Variants in ITPR1 observed in about 807,000 individuals in gnomAD.
The protein encoded by ITPR1 is inositol 1,4,5-trisphosphate receptor type 1.
ITPR1 carries 96 observed loss-of-function variants against 318.4 expected under a neutral mutation model. The observed-to-expected ratio is 0.30, with a 90% CI of 0.26 to 0.36. ITPR1 has a LOEUF of 0.36. Ranked by LOEUF, ITPR1 falls within the 10% of genes least tolerant of loss-of-function variation. The pLI is 1.00. For missense variants in ITPR1, 2,440 were observed against 3,460.2 expected (o/e 0.71, Z 7.40); for synonymous variants, 1,312 against 1,289.9 (o/e 1.02, Z -0.37).
rs905703653 is a variant in ITPR1 at position 4,733,169 on chromosome 3, T to C, written c.5302T>C (p.Phe1768Leu). Residue 1768 changes from phenylalanine (F) to leucine (L), a missense_variant, in exon 43 of 62, where the codon TTT (phenylalanine) becomes CTT (leucine). Phe to Leu is a conservative substitution (Grantham distance 22). Coordinates refer to ENST00000649015, the MANE Select transcript of ITPR1 (RefSeq NM_001378452.1). ...GGGACGAAGAGAGAGCCTTACCAGCTTTGGCAATGGCCCACTGTCAGCAGG... is the reference window on the plus strand; with the variant it reads ...GGGACGAAGAGAGAGCCTTACCAGCCTTGGCAATGGCCCACTGTCAGCAGG... ...PSGRRESLTS[F>L]GNGPLSAGGP... 6.2e-7 allele frequency: 1 copy of C among 1,614,048 alleles called. No homozygotes were observed. Among genetic ancestry groups the C allele is most frequent in the Non-Finnish European group, 8.5e-7 (1 of 1,179,894 alleles).
chr3:4,536,412 A>T (rs2083879570), intron 4 of ITPR1, among the ~76,000 whole-genome samples: 1 of 152,198 alleles, frequency 6.6e-6, no homozygotes, highest in Non-Finnish European at 1.5e-5. Context: ...GTGGCATCTC[A>T]ACTATTGCAA....
At chr3:4,777,835 A>G (rs577518447) in intron 48 of ITPR1, among the ~76,000 whole-genome samples, 16 of 152,262 alleles carry the variant, frequency 1.1e-4, no homozygotes, top group South Asian at 6.2e-4. Context: ...TACTTAATCA[A>G]GGAAATACCT....
At chr3:4,639,235 C>A in intron 5 of ITPR1, 149 bp from the exon 6 acceptor site, 1 of 614,940 alleles carries the variant, frequency 1.6e-6, no homozygotes. Context: ...AACCCCTTGG[C>A]TCATTTCTTG....
chr3:4,526,849 A>G (rs1188333269), intron 4 of ITPR1, among the ~76,000 whole-genome samples: 8 of 152,218 alleles, frequency 5.3e-5, no homozygotes, highest in Admixed American at 5.2e-4. Context: ...AGACATTCTC[A>G]AAGAAGTCTA....
rs542464632 is a variant in ITPR1, at chr3:4,626,629, A to G, written c.164-1134A>G. ...GAATGTTGGTTATACCACATAAGAC[A>G]ATGTATAAAGTTGTATAAACCGAGG... On this transcript the variant is annotated intron_variant, in intron 4 of 61. Coordinates refer to ENST00000649015, the MANE Select transcript of ITPR1 (RefSeq NM_001378452.1). Among the ~76,000 whole-genome samples, 48 of 152,296 alleles carry G rather than the reference A, an allele frequency of 3.2e-4. No homozygotes were observed. The South Asian group carries it at 9.1e-3, about 29-fold the overall frequency.
At chr3:4,539,169 T>G (rs1326274261) in intron 4 of ITPR1, among the ~76,000 whole-genome samples, 1 of 152,256 alleles carries the variant, frequency 6.6e-6, no homozygotes, top group Non-Finnish European at 1.5e-5. Context: ...CTTATGTCTG[T>G]TATTTTTTAT....
At position 4,811,412 on chromosome 3, in the gene ITPR1, G is replaced by A; in HGVS notation, c.7420G>A (p.Asp2474Asn). 6.2e-7 allele frequency: 1 copy of A among 1,613,992 alleles called. No homozygotes were observed. The highest frequency in any genetic ancestry group is 8.5e-7 in the Non-Finnish European group (1 of 1,179,876). ...AGTGGGCTATCTTTTCTTCAAGGAT[G>A]ACTTTATCTTGGAAGTAGATAGGCT... ...SIVGYLFFKD[D>N]FILEVDRLPN... The change falls in exon 56 of 62, where the codon GAC becomes AAC. Residue 2474 changes from aspartate (D) to asparagine (N), a missense_variant. By Grantham distance (23) the Asp-to-Asn change is conservative. Around this residue, in one of 23 missense-constraint regions of ITPR1, gnomAD observed 88 missense variants for 90.5 expected, o/e 0.97. Coordinates refer to ENST00000649015, the MANE Select transcript of ITPR1 (RefSeq NM_001378452.1).
At chr3:4,844,943 TTC>T (rs762478711) in intron 61 of ITPR1, among the ~76,000 whole-genome samples, 6 of 152,220 alleles carry the variant, frequency 3.9e-5, no homozygotes, top group Non-Finnish European at 7.3e-5. Context: ...TTGTTTTATG[TTC>T]TCTCCAGATA....
At chr3:4,669,818 C>T in intron 19 of ITPR1, 45 bp downstream of exon 19, 1 of 1,557,328 alleles carries the variant, frequency 6.4e-7, no homozygotes, top group Non-Finnish European at 8.7e-7. Context: ...GGGGTTCATT[C>T]AGTGTTGGTG....
At chr3:4,703,074 C>A in intron 36 of ITPR1, 124 bp downstream of exon 36, 3 of 1,091,088 alleles carry the variant, frequency 2.7e-6, no homozygotes, top group Non-Finnish European at 3.8e-6. Flanking sequence ...AGTTTCAGAG[C>A]CAGACCCGGA....
chr3:4,673,550 G>A (rs1366032831), intron 21 of ITPR1, among the ~76,000 whole-genome samples, 163 bp downstream of exon 21: 2 of 152,128 alleles, frequency 1.3e-5, no homozygotes, highest in African/African-American at 4.8e-5. Context: ...TCAAGAATGT[G>A]AAAGATGGCA....
At chr3:4,636,462 T>G (rs1405447062) in intron 5 of ITPR1, among the ~76,000 whole-genome samples, 1 of 152,198 alleles carries the variant, frequency 6.6e-6, no homozygotes, top group African/African-American at 2.4e-5. Flanking sequence ...AGATGGAGTC[T>G]CTGTCACCCA....
chr3:4,608,921 G>C (rs947960393), intron 4 of ITPR1, among the ~76,000 whole-genome samples: 1 of 144,756 alleles, frequency 6.9e-6, no homozygotes, highest in Admixed American at 7.0e-5. Context: ...AGAATTGCTT[G>C]AACCCTGGAG....
intron 4 of ITPR1, among the ~76,000 whole-genome samples, chr3:4,624,953 T>C (rs1228024698): frequency 6.6e-6 from 1 of 152,202 alleles, no homozygotes; most frequent in African/African-American, 2.4e-5. Context: ...ATATAGCAAA[T>C]GACCATGACC....
chr3:4,832,298 C>G (rs1391569074), intron 60 of ITPR1, among the ~76,000 whole-genome samples: 1 of 152,184 alleles, frequency 6.6e-6, no homozygotes, highest in Non-Finnish European at 1.5e-5. Context: ...CATTGAAGGC[C>G]TCCTGTGAAA....
intron 60 of ITPR1, among the ~76,000 whole-genome samples, chr3:4,834,687 C>A (rs2050766345): frequency 6.6e-6 from 1 of 152,148 alleles, no homozygotes; most frequent in African/African-American, 2.4e-5. Flanking sequence ...AGGATTGACA[C>A]AGGAGAGATG....
intron 2 of ITPR1, among the ~76,000 whole-genome samples, chr3:4,495,803 C>G (rs922274716): frequency 6.6e-6 from 1 of 152,126 alleles, no homozygotes; most frequent in East Asian, 1.9e-4. Flanking sequence ...GGCGGTGAGG[C>G]TGTACTGCAT....
At chr3:4,670,484 G>A (rs898397906) in intron 19 of ITPR1, among the ~76,000 whole-genome samples, 5 of 152,140 alleles carry the variant, frequency 3.3e-5, no homozygotes, top group South Asian at 2.1e-4. Context: ...TCTCCATTTC[G>A]GTTGTGACAA....
chr3:4,563,927 G>A (rs183878139), intron 4 of ITPR1, among the ~76,000 whole-genome samples: 11 of 151,780 alleles, frequency 7.2e-5, no homozygotes, highest in Non-Finnish European at 1.6e-4. Context: ...AGTGTCAGCT[G>A]AGTTGATTTG....
Sources: gnomAD v4.1 joint callset for allele counts (sites outside exome capture counted in the v4.1 genomes callset) on GRCh38, gnomAD v4.1.1 for gene constraint, gnomAD v4.1.1 regional missense constraint, MANE v1.5 for transcripts, NCBI Gene and HGNC (gene_info 2026-07-23, HGNC 2026-07-21) for gene names.